The following PRRC2C variants were observed in gnomAD, a reference collection of about 807,000 sequenced individuals.
PRRC2C encodes proline rich coiled-coil 2C.
Under a neutral mutation model 317.2 loss-of-function variants are expected in PRRC2C, and 72 were observed. The observed-to-expected ratio is 0.23, with a 90% CI of 0.19 to 0.28. The LOEUF is 0.28. Ranked by LOEUF, PRRC2C falls within the 10% of genes least tolerant of loss-of-function variation. The pLI is 1.00. For missense variants in PRRC2C, 3,074 were observed against 3,459.7 expected, an observed-to-expected ratio of 0.89 and a Z score of 2.80; for synonymous variants, 1,296 against 1,205.9, an observed-to-expected ratio of 1.07 and a Z score of -1.55.
intron 31 of PRRC2C, 111 bp downstream of exon 31, chr1:171,587,332 C>A: frequency 2.0e-6 from 2 of 986,806 alleles, no homozygotes; most frequent in Admixed American, 2.9e-5. Flanking sequence ...TACCACCCTG[C>A]AAAAATCTCA....
chr1:171,569,575 A>AATATGTATATATATATAT (rs1684335559), intron 23 of PRRC2C, among the ~76,000 whole-genome samples: 1 of 60,130 alleles, frequency 1.7e-5, no homozygotes, highest in African/African-American at 5.6e-5. Context: ...AAGTGGTTTA[A>AATATGTATATATATATAT]ATATATATAT....
rs892468803 is a variant in PRRC2C at position 171,593,340 on chromosome 1, G to T, written c.*1493G>T. The T allele has an allele frequency of 6.6e-6, 1 of 150,500 alleles. No individual in the cohort carries two copies. Among genetic ancestry groups the T allele is most frequent in the Non-Finnish European group, 1.5e-5 (1 of 67,770 alleles). 9.3% of individuals were successfully genotyped at this position (150,500 alleles called of 1,614,324 possible). A position where few individuals can be genotyped will look rare whatever the true frequency, so the allele number is the denominator to read the frequency against. On this transcript the variant is annotated 3_prime_UTR_variant, in exon 35 of 35. Transcript: ENST00000647382. Reference sequence around the variant, plus strand: ...CTGTCAACTTTGGAAAAAGTATCCCGGTTTACTGTGTTGAGTTGGCATTGT... The same window carrying T: ...CTGTCAACTTTGGAAAAAGTATCCCTGTTTACTGTGTTGAGTTGGCATTGT...
chr1:171,501,323 G>A (rs2102138313), intron 1 of PRRC2C, among the ~76,000 whole-genome samples: 1 of 152,278 alleles, frequency 6.6e-6, no homozygotes, highest in African/African-American at 2.4e-5. Context: ...TAGAAACAGA[G>A]TTTTGTCATG....
intron 6 of PRRC2C, among the ~76,000 whole-genome samples, chr1:171,519,260 A>G (rs1017767219): frequency 2.4e-4 from 36 of 152,224 alleles, no homozygotes; most frequent in African/African-American, 6.8e-4. Flanking sequence ...ATTTTAAAGG[A>G]TAAAGACTTG....
In PRRC2C at chr1:171,514,577, C is replaced by T. The variant is rs760308420; in HGVS notation, c.332C>T (p.Ala111Val). The T allele has an allele frequency of 6.4e-7, 1 of 1,560,360 alleles. No individual in the cohort carries two copies. Among genetic ancestry groups the T allele is most frequent in the Non-Finnish European group, 8.7e-7 (1 of 1,152,320 alleles). Residue 111 changes from alanine to valine, a missense_variant, in exon 4 of 35, where the codon GCA becomes GTA. Coordinates refer to ENST00000647382, the MANE Select transcript of PRRC2C (RefSeq NM_001387844.1). ...VPPAQPKPGV[A>V]APPEVAPAPK... ...CCAGCACAGCCAAAACCTGGGGTTG[C>T]AGCTCCCCCAGAAGTAGCACCTGCT...
chr1:171,490,986 A>T (rs74122850), intron 1 of PRRC2C, among the ~76,000 whole-genome samples: 24,334 of 152,176 alleles, frequency 0.16, 1,998 homozygotes, highest in Middle Eastern at 0.29. Flanking sequence ...CCCCTATCTC[A>T]GAGGACTATT....
Position 171,542,131 on chromosome 1 carries a change from T to A in PRRC2C, c.4665T>A (p.Asn1555Lys). 1 of 1,613,172 alleles carries A rather than the reference T, an allele frequency of 6.2e-7. No homozygotes were observed. Among genetic ancestry groups the A allele is most frequent in the South Asian group, 1.1e-5 (1 of 90,866 alleles). Residue 1555 changes from asparagine (N) to lysine (K), a missense_variant, in exon 16 of 35, where the codon AAT becomes AAA. By Grantham distance (94) the Asn-to-Lys change is moderately conservative. Coordinates refer to ENST00000647382, the MANE Select transcript of PRRC2C (RefSeq NM_001387844.1). ...FSSQRPVDRQ[N>K]RRGNNGPPKS... ...GTCAGAGACCAGTAGATCGTCAGAATCGACGTGGCAACAATGGTCCACCCA... is the reference window on the plus strand; with the variant it reads ...GTCAGAGACCAGTAGATCGTCAGAAACGACGTGGCAACAATGGTCCACCCA...
At chr1:171,563,620 A>AT (rs567626657) in intron 20 of PRRC2C, among the ~76,000 whole-genome samples, 46 of 151,664 alleles carry the variant, frequency 3.0e-4, no homozygotes, top group Non-Finnish European at 5.6e-4. Context: ...GTGCTAAAAG[A>AT]TTTTTTTTTC....
At chr1:171,496,199 C>T (rs1280403798) in intron 1 of PRRC2C, among the ~76,000 whole-genome samples, 1 of 75,660 alleles carries the variant, frequency 1.3e-5, no homozygotes, top group African/African-American at 6.8e-5. Flanking sequence ...ATTTTTGTGC[C>T]TTTTTTTTTT....
rs12041235 is a variant in PRRC2C at position 171,589,309 on chromosome 1, T to G, written c.8200-60T>G. The stretch of plus-strand genomic sequence containing the variant: ...TGAGCCAACCTGGTCTAGTTGGCAG[T>G]TTTTTTTTTTTTTTTTTTTTTAACA... On this transcript the variant is annotated intron_variant, in intron 33 of 34. Transcript: ENST00000647382. 2.1e-3 allele frequency: 126 copies of G among 60,422 alleles called. 1 individual carries two copies. The East Asian group carries it at 0.072, about 34-fold the overall frequency. 3.7% of individuals were successfully genotyped at this position (60,422 alleles called of 1,614,324 possible).
chr1:171,502,570 A>T (rs1669328354), intron 1 of PRRC2C, among the ~76,000 whole-genome samples: 1 of 152,190 alleles, frequency 6.6e-6, no homozygotes, highest in South Asian at 2.1e-4. Flanking sequence ...TTTTGTTAAA[A>T]GTTCCATGAA....
chr1:171,523,277 C>T lies in PRRC2C; in HGVS notation c.890C>T (p.Ser297Phe), dbSNP rs565659216. The part of the protein sequence containing the change: ...PSWASEPERP[S>F]ILSASELKEL... ...TGGGCCTCTGAGCCTGAACGCCCAT[C>T]CATTCTTAGTGCATCAGAACTGAAG... is the stretch of plus-strand genomic sequence containing the variant. Residue 297 changes from serine to phenylalanine, a missense_variant, in exon 8 of 35, where the codon TCC (serine) becomes TTC (phenylalanine). Physicochemically the swap from Ser to Phe is radical, Grantham distance 155. Around this residue, in one of 11 missense-constraint regions of PRRC2C, gnomAD observed 50 missense variants for 88.3 expected, o/e 0.57. Coordinates refer to ENST00000647382, the MANE Select transcript of PRRC2C (RefSeq NM_001387844.1). The T allele has an allele frequency of 1.2e-6, 2 of 1,613,666 alleles. No homozygotes were observed. Among genetic ancestry groups the T allele is most frequent in the Non-Finnish European group, 1.7e-6 (2 of 1,179,694 alleles).
intron 24 of PRRC2C, among the ~76,000 whole-genome samples, chr1:171,573,294 C>T (rs1685091701): frequency 6.6e-6 from 1 of 152,158 alleles, no homozygotes; most frequent in Non-Finnish European, 1.5e-5. Context: ...GGAATGGAAT[C>T]AAGTCAAACT....
intron 1 of PRRC2C, among the ~76,000 whole-genome samples, chr1:171,494,365 A>T (rs2102061121): frequency 6.6e-6 from 1 of 152,294 alleles, no homozygotes; most frequent in Admixed American, 6.5e-5. Context: ...TTGTTTTTTA[A>T]AAAATGACCA....
At position 171,540,696 on chromosome 1, in the gene PRRC2C, C is replaced by G; in HGVS notation, c.3230C>G (p.Ser1077Ter). The G allele has an allele frequency of 6.2e-7, 1 of 1,614,014 alleles. No individual in the cohort carries two copies. The highest frequency in any genetic ancestry group is 8.5e-7 in the Non-Finnish European group (1 of 1,179,886). ...CCACCAGCACCAATTCAGCCACAGT[C>G]AGTTCCACCACCAATTCAACCAGAA... The part of the protein sequence containing the change: ...PQPPAPIQPQ[S>*]VPPPIQPEAE... The change falls in exon 16 of 35, where the codon TCA becomes TGA. Residue 1077 changes from serine (S) to a stop codon, truncating the protein, a stop_gained. Coordinates refer to ENST00000647382, the MANE Select transcript of PRRC2C (RefSeq NM_001387844.1). LOFTEE classifies it high-confidence loss of function.
intron 1 of PRRC2C, among the ~76,000 whole-genome samples, chr1:171,492,414 G>C (rs1667317175): frequency 6.6e-6 from 1 of 152,202 alleles, no homozygotes; most frequent in African/African-American, 2.4e-5. Context: ...AGAAGGAGTT[G>C]GGTGTTGTGG....
At chr1:171,536,749 G>A (rs1676917357) in intron 14 of PRRC2C, among the ~76,000 whole-genome samples, 3 of 152,158 alleles carry the variant, frequency 2.0e-5, no homozygotes, top group Non-Finnish European at 4.4e-5. Context: ...TTACCAAAAT[G>A]TTACAGAGGA....
At chr1:171,519,628 G>A (rs1159788501) in intron 6 of PRRC2C, among the ~76,000 whole-genome samples, 2 of 151,350 alleles carry the variant, frequency 1.3e-5, no homozygotes, top group Non-Finnish European at 2.9e-5. Context: ...TTTACTTTCA[G>A]CCCAATGTGA....
rs746155067 is a variant in PRRC2C at position 171,532,771 on chromosome 1, A to C, written c.1683A>C (p.Arg561Ser). ...AACAAAGAGAAATGGAGAAAGAAAGAAAGCAAGAAAAAGAAAAAGAACTAG... is the reference window on the plus strand; with the variant it reads ...AACAAAGAGAAATGGAGAAAGAAAGCAAGCAAGAAAAAGAAAAAGAACTAG... Reference protein sequence around the residue: ...QEKQREMEKERKQEKEKELER... With the variant: ...QEKQREMEKESKQEKEKELER... The change falls in exon 12 of 35, where the codon AGA becomes AGC. Residue 561 changes from arginine to serine, a missense_variant. By Grantham distance (110) the Arg-to-Ser change is moderately radical. Transcript: ENST00000647382. 4.6e-6 allele frequency: 7 copies of C among 1,533,622 alleles called. No individual in the cohort carries two copies. The highest frequency in any genetic ancestry group is 2.4e-5 in the East Asian group (1 of 41,274).
Sources: allele counts gnomAD v4.1 joint callset (sites outside exome capture counted in the v4.1 genomes callset), GRCh38; gene constraint gnomAD v4.1.1; regional missense constraint gnomAD v4.1.1; transcripts MANE v1.5; gene names NCBI Gene and HGNC (gene_info 2026-07-23, HGNC 2026-07-21).